Variants in PHYHD1 observed in about 807,000 individuals in gnomAD.
The protein encoded by PHYHD1 is phytanoyl-CoA dioxygenase domain-containing protein 1.
PHYHD1 carries 42 observed loss-of-function variants against 43.6 expected under a neutral mutation model. The observed-to-expected ratio is 0.96, with a 90% CI of 0.75 to 1.25. The LOEUF (loss-of-function observed/expected upper bound fraction) is 1.25. PHYHD1 is among the 50% of genes most tolerant of loss of function. The pLI is 0.00. For synonymous variants in PHYHD1, 139 were observed against 143.6 expected (o/e 0.97, Z 0.23); for missense variants, 342 against 370.8 (o/e 0.92, Z 0.64).
intron 4 of PHYHD1, among the ~76,000 whole-genome samples, chr9:128,929,715 C>A (rs943495896): frequency 1.3e-5 from 2 of 151,962 alleles, no homozygotes; most frequent in Non-Finnish European, 2.9e-5. Context: ...TATCTACATA[C>A]GTGTGTGTGT....
chr9:128,936,656 T>A lies in PHYHD1; in HGVS notation c.435+11T>A, dbSNP rs1207614315. ...ATGTACATCTTTAAGGTGAGCTCCTTGTCCTTGCCTCAGTTTACCATCTGT... is the reference window on the plus strand; with the variant it reads ...ATGTACATCTTTAAGGTGAGCTCCTAGTCCTTGCCTCAGTTTACCATCTGT... On this transcript the variant is annotated intron_variant, in intron 8 of 12. Transcript: ENST00000372592. 6.4e-7 allele frequency: 1 copy of A among 1,551,880 alleles called. No homozygotes were observed. Among genetic ancestry groups the A allele is most frequent in the African/African-American group, 1.4e-5 (1 of 73,186 alleles).
chr9:128,935,934 C>T (rs1406116736), intron 6 of PHYHD1, among the ~76,000 whole-genome samples: 4 of 152,058 alleles, frequency 2.6e-5, no homozygotes, highest in East Asian at 3.9e-4. Flanking sequence ...ATAAAAAGTA[C>T]ATAGCTCAGT....
Position 128,942,032 on chromosome 9 carries a change from G to A in PHYHD1, c.*319G>A, listed in dbSNP as rs1841578396. 1 of 436,010 alleles carries A rather than the reference G, an allele frequency of 2.3e-6. No individual in the cohort carries two copies. The highest frequency in any genetic ancestry group is 3.7e-5 in the Admixed American group (1 of 26,740). The allele number at this position is 436,010 out of a possible 1,614,324, so 27.0% of individuals were successfully genotyped here. On this transcript the variant is annotated 3_prime_UTR_variant, in exon 13 of 13. Coordinates refer to ENST00000372592, the MANE Select transcript of PHYHD1 (RefSeq NM_001100876.2). ...TAGTTATCGAATAAAAACGACTTCA[G>A]AATGCAGCTTCCCTACTGAGCCTTC...
intron 11 of PHYHD1, 109 bp from the exon 12 acceptor site, chr9:128,941,336 G>C (rs955402998): frequency 1.5e-5 from 22 of 1,438,878 alleles, no homozygotes. Context: ...GAATGGGGAT[G>C]GATGGGGGCC....
At chr9:128,936,372 G>C in intron 6 of PHYHD1, 76 bp from the exon 7 acceptor site, 3 of 1,544,712 alleles carry the variant, frequency 1.9e-6, no homozygotes, top group Non-Finnish European at 1.8e-6. Flanking sequence ...GTAAGCCTGA[G>C]TGTGGGTGCC....
intron 11 of PHYHD1, 88 bp downstream of exon 11, chr9:128,940,803 C>A: frequency 7.3e-7 from 1 of 1,370,574 alleles, no homozygotes. Context: ...AGGTTGCCCT[C>A]GGGGTCATCT....
chr9:128,933,639 G>A, intron 4 of PHYHD1, 143 bp from the exon 5 acceptor site: 1 of 848,618 alleles, frequency 1.2e-6, no homozygotes, highest in Non-Finnish European at 2.0e-6. Flanking sequence ...CACTGTCTGT[G>A]CCTCAGTGGA....
intron 5 of PHYHD1, 54 bp downstream of exon 5, chr9:128,933,911 A>G: frequency 1.2e-6 from 2 of 1,606,594 alleles, no homozygotes; most frequent in Non-Finnish European, 1.7e-6. Flanking sequence ...GGTAGGCTGG[A>G]CCTGGGAATC....
At chr9:128,940,119 C>A in intron 9 of PHYHD1, among the ~76,000 whole-genome samples, 1 of 152,186 alleles carries the variant, frequency 6.6e-6, no homozygotes, top group East Asian at 1.9e-4. Context: ...CATACATCAT[C>A]TCATAGAATC....
chr9:128,922,385 G>A (rs370023864), intron 3 of PHYHD1, 29 bp downstream of exon 3: 2 of 1,546,878 alleles, frequency 1.3e-6, no homozygotes, highest in East Asian at 4.9e-5. Flanking sequence ...GGGCCGGGAG[G>A]GTCATGGCGG....
At chr9:128,924,654 G>C (rs1221086609) in intron 3 of PHYHD1, among the ~76,000 whole-genome samples, 3 of 151,514 alleles carry the variant, frequency 2.0e-5, no homozygotes, top group African/African-American at 7.3e-5. Flanking sequence ...AGAGAAAAGG[G>C]CTGGGTGCGG....
At chr9:128,931,820 C>T (rs1050153784) in intron 4 of PHYHD1, among the ~76,000 whole-genome samples, 2 of 150,788 alleles carry the variant, frequency 1.3e-5, no homozygotes, top group Admixed American at 6.7e-5. Context: ...AGCCACCTCG[C>T]CCGGCCTTTC....
intron 4 of PHYHD1, among the ~76,000 whole-genome samples, chr9:128,929,349 A>G (rs1452259186): frequency 6.6e-6 from 1 of 151,328 alleles, no homozygotes; most frequent in African/African-American, 2.4e-5. Flanking sequence ...AAACAAAACA[A>G]AACAAAAAAC....
chr9:128,922,121 G>A (rs1247199384), intron 2 of PHYHD1, 74 bp downstream of exon 2: 2 of 580,958 alleles, frequency 3.4e-6, no homozygotes, highest in Admixed American at 3.4e-5. Flanking sequence ...ATGGGAAAGG[G>A]CAAATCCTGG....
chr9:128,925,851 TC>T (rs1268974871), intron 3 of PHYHD1, among the ~76,000 whole-genome samples: 2 of 152,168 alleles, frequency 1.3e-5, no homozygotes, highest in African/African-American at 4.8e-5. Context: ...GGAATGCCCT[TC>T]CCTTATCCTG....
Position 128,941,829 on chromosome 9 carries a change from CT to C in PHYHD1, c.*119del. 7.0e-7 allele frequency: 1 copy of C among 1,430,052 alleles called. No individual in the cohort carries two copies. The highest frequency in any genetic ancestry group is 9.7e-7 in the Non-Finnish European group (1 of 1,029,264). 88.6% of individuals were successfully genotyped at this position (1,430,052 alleles called of 1,614,324 possible). ...GGGAGGTCTTGTCTCCCCTCCTGGG[CT>C]TTCCTCCTGCCCTGTGGGCAGCAGC... On this transcript the variant is annotated 3_prime_UTR_variant, in exon 13 of 13. Coordinates refer to ENST00000372592, the MANE Select transcript of PHYHD1 (RefSeq NM_001100876.2).
chr9:128,932,175 A>ATTTTTTTTT (rs1164525938), intron 4 of PHYHD1, among the ~76,000 whole-genome samples: 4 of 107,118 alleles, frequency 3.7e-5, no homozygotes, highest in African/African-American at 1.8e-4. Context: ...TATTGTTATT[A>ATTTTTTTTT]TTATTATTAT....
rs1028193746 is a variant in PHYHD1 at position 128,927,262 on chromosome 9, G to A, written c.192+66G>A. The A allele has an allele frequency of 1.9e-5, 31 of 1,590,194 alleles. No homozygotes were observed. The South Asian group carries it at 3.2e-4, about 16-fold the overall frequency. ...AGGGAGGGCTTGGTCCCCGGCCAGAGCAGCATCGTGGAAGGGAGGATCCCA... is the reference window on the plus strand; with the variant it reads ...AGGGAGGGCTTGGTCCCCGGCCAGAACAGCATCGTGGAAGGGAGGATCCCA... On this transcript the variant is annotated intron_variant, in intron 4 of 12. Transcript: ENST00000372592.
At position 128,933,815 on chromosome 9, in the gene PHYHD1, A is replaced by G. The variant is rs942564993; in HGVS notation, c.226A>G (p.Lys76Glu). Reference protein sequence around the residue: ...STDYFLSSGDKIRFFFEKGVF... With the variant: ...STDYFLSSGDEIRFFFEKGVF... ...AGACTATTTCTTGAGCAGTGGTGAC[A>G]AGATTCGATTCTTCTTTGAGAAAGG... The change falls in exon 5 of 13, where the codon AAG (lysine) becomes GAG (glutamate). Residue 76 changes from lysine to glutamate, a missense_variant. Coordinates refer to ENST00000372592, the MANE Select transcript of PHYHD1 (RefSeq NM_001100876.2). 1 of 1,614,180 alleles carries G rather than the reference A, an allele frequency of 6.2e-7. No individual in the cohort carries two copies. Among genetic ancestry groups the G allele is most frequent in the Non-Finnish European group, 8.5e-7 (1 of 1,180,012 alleles).
Sources: gnomAD v4.1 joint callset for allele counts (sites outside exome capture counted in the v4.1 genomes callset) on GRCh38, gnomAD v4.1.1 for gene constraint, MANE v1.5 for transcripts, NCBI Gene and HGNC (gene_info 2026-07-23, HGNC 2026-07-21) for gene names.